The following CACNA1B variants were observed in gnomAD, a reference collection of about 807,000 sequenced individuals.
The protein encoded by CACNA1B is calcium voltage-gated channel subunit alpha1 B.
CACNA1B carries 70 observed loss-of-function variants against 247.2 expected under a neutral mutation model. The ratio of observed to expected loss-of-function variants is 0.28; its 90% CI spans 0.23 to 0.35. CACNA1B has a LOEUF of 0.35. Among genes scored for constraint, CACNA1B ranks in the 10% least tolerant of loss-of-function variants. The probability of loss-of-function intolerance (pLI) is 1.00; values close to 1 mark genes in which losing one functional copy is unlikely to be tolerated. For synonymous variants in CACNA1B, 1,231 were observed against 1,294.4 expected (o/e 0.95, Z 1.05); for missense variants, 2,367 against 3,197.4 (o/e 0.74, Z 6.26).
intron 20 of CACNA1B, among the ~76,000 whole-genome samples, chr9:138,038,674 G>C (rs948577565): frequency 2.6e-5 from 4 of 152,308 alleles, no homozygotes; most frequent in African/African-American, 9.6e-5. Flanking sequence ...ACCTTTGCAG[G>C]ACCTGGTCTG....
chr9:137,998,389 T>A (rs1451156513), intron 15 of CACNA1B, among the ~76,000 whole-genome samples: 2 of 152,090 alleles, frequency 1.3e-5, no homozygotes, highest in Non-Finnish European at 2.9e-5. Context: ...GGTGGGCAGA[T>A]CACTTGAGGT....
In CACNA1B at chr9:138,058,516, C is replaced by G; in HGVS notation, c.4309-53C>G. 2 of 1,522,642 alleles carry G rather than the reference C, an allele frequency of 1.3e-6. No homozygotes were observed. Among genetic ancestry groups the G allele is most frequent in the Non-Finnish European group, 1.8e-6 (2 of 1,120,424 alleles). 94.3% of individuals were successfully genotyped at this position (1,522,642 alleles called of 1,614,324 possible). On this transcript the variant is annotated intron_variant, in intron 28 of 46. Coordinates refer to ENST00000371372, the MANE Select transcript of CACNA1B (RefSeq NM_000718.4). This position sits in a 1 kb window ranked among gnomAD's most constrained non-coding sequence, Gnocchi z 4.7. ...AGACAGGGCTGGGTGCAGTAGATGC[C>G]GTCGGGTAGGTTTTCTGCTTCTGAG...
At chr9:137,976,655 G>A (rs555832967) in intron 12 of CACNA1B, among the ~76,000 whole-genome samples, 10 of 149,494 alleles carry the variant, frequency 6.7e-5, no homozygotes, top group African/African-American at 2.5e-4. Flanking sequence ...TACCATGACA[G>A]CTGAGCACAG....
intron 21 of CACNA1B, among the ~76,000 whole-genome samples, chr9:138,045,391 G>T (rs1334139806): frequency 6.6e-6 from 1 of 152,184 alleles, no homozygotes; most frequent in Non-Finnish European, 1.5e-5. Flanking sequence ...GGCAGAGAGA[G>T]TGGTGGTTTG....
At chr9:138,114,526 G>C in intron 41 of CACNA1B, 36 bp downstream of exon 41, 1 of 1,080,712 alleles carries the variant, frequency 9.3e-7, no homozygotes, top group Non-Finnish European at 1.4e-6. Flanking sequence ...GGAAAACTGT[G>C]ATGCCTCCGA....
intron 26 of CACNA1B, among the ~76,000 whole-genome samples, chr9:138,055,108 A>G (rs545649394): frequency 2.0e-5 from 3 of 151,692 alleles, no homozygotes; most frequent in East Asian, 3.9e-4. Flanking sequence ...CTTTTAAAAA[A>G]CAAAGTTCTT....
At chr9:138,023,898 C>A in intron 19 of CACNA1B, 87 bp downstream of exon 19, 3 of 685,662 alleles carry the variant, frequency 4.4e-6, no homozygotes, top group South Asian at 1.7e-5. Flanking sequence ...ATGGGGTCCA[C>A]GGCGGAGGCT....
chr9:138,117,848 A>G, intron 42 of CACNA1B, 98 bp from the exon 43 acceptor site: 3 of 918,344 alleles, frequency 3.3e-6, no homozygotes, highest in Non-Finnish European at 3.2e-6. Flanking sequence ...CCTCTGCTGC[A>G]TGTGTTGGAG....
At chr9:138,104,707 A>T (rs1961365763) in intron 38 of CACNA1B, among the ~76,000 whole-genome samples, 1 of 152,124 alleles carries the variant, frequency 6.6e-6, no homozygotes, top group African/African-American at 2.4e-5. Flanking sequence ...CACAGGTTGC[A>T]GGCTTGGGCA....
intron 36 of CACNA1B, among the ~76,000 whole-genome samples, chr9:138,087,937 G>T (rs928029077): frequency 6.6e-6 from 1 of 151,840 alleles, no homozygotes; most frequent in African/African-American, 2.4e-5. Context: ...TCAAATAAAT[G>T]ACTTAATGAT....
Position 137,971,710 on chromosome 9 carries a change from C to T in CACNA1B, c.1543+118C>T, listed in dbSNP as rs1476506952. 1 of 810,440 alleles carries T rather than the reference C, an allele frequency of 1.2e-6. No homozygotes were observed. 50.2% of individuals were successfully genotyped at this position (810,440 alleles called of 1,614,324 possible). On this transcript the variant is annotated intron_variant, in intron 11 of 46. Coordinates refer to ENST00000371372, the MANE Select transcript of CACNA1B (RefSeq NM_000718.4). This position sits in a 1 kb window ranked among gnomAD's most constrained non-coding sequence, Gnocchi z 4.4. ...GGACGGGACCCACCCCCATGTTGCT[C>T]AAAGTATCCCACAGCCCTAGTCAGC... is the stretch of plus-strand genomic sequence containing the variant.
chr9:137,943,568 A>T (rs1564200301), intron 6 of CACNA1B, among the ~76,000 whole-genome samples: 1 of 152,182 alleles, frequency 6.6e-6, no homozygotes. Flanking sequence ...TGTAACCTGC[A>T]CGGACCTTGG....
intron 10 of CACNA1B, among the ~76,000 whole-genome samples, chr9:137,961,457 G>A (rs972116616): frequency 2.0e-5 from 3 of 152,172 alleles, no homozygotes; most frequent in Non-Finnish European, 4.4e-5. Context: ...TTTTCAAGGG[G>A]AATGCTTCCA....
At chr9:137,985,622 G>A (rs1958349272) in intron 13 of CACNA1B, among the ~76,000 whole-genome samples, 1 of 152,244 alleles carries the variant, frequency 6.6e-6, no homozygotes, top group South Asian at 2.1e-4. Flanking sequence ...GACATGGTTT[G>A]GGAGCCCAGG....
chr9:138,118,554 G>T, intron 43 of CACNA1B, 98 bp from the exon 44 acceptor site: 1 of 636,652 alleles, frequency 1.6e-6, no homozygotes, highest in Non-Finnish European at 2.8e-6. Context: ...AGATGGATTT[G>T]GGTGAGACCC....
At chr9:137,922,495 G>A (rs749722568) in intron 6 of CACNA1B, among the ~76,000 whole-genome samples, 2 of 152,298 alleles carry the variant, frequency 1.3e-5, no homozygotes, top group Admixed American at 6.5e-5. Context: ...GGACTGTTGC[G>A]TTTGATAAGA....
At chr9:138,006,142 T>C (rs1279138374) in intron 15 of CACNA1B, among the ~76,000 whole-genome samples, 1 of 151,214 alleles carries the variant, frequency 6.6e-6, no homozygotes, top group Admixed American at 6.6e-5. Flanking sequence ...CTGGTTGGAG[T>C]TGGTCACGGG....
rs561597323 is a variant in CACNA1B, at chr9:137,973,529, C to A, written c.1543+1937C>A. Among the ~76,000 whole-genome samples, 1 of 152,298 alleles carries A rather than the reference C, an allele frequency of 6.6e-6. No homozygotes were observed. The highest frequency in any genetic ancestry group is 1.9e-4 in the East Asian group (1 of 5,180). On this transcript the variant is annotated intron_variant, in intron 11 of 46. Transcript: ENST00000371372. This position sits in a 1 kb window ranked among gnomAD's most constrained non-coding sequence, Gnocchi z 4.1. Reference sequence around the variant, plus strand: ...CTGTCAGGACTTGCCATCCTGTGAGCCCCTGGGGGGCCTTATGCAGCTCAC... The same window carrying A: ...CTGTCAGGACTTGCCATCCTGTGAGACCCTGGGGGGCCTTATGCAGCTCAC...
chr9:138,111,231 C>T (rs1961618720), intron 39 of CACNA1B, among the ~76,000 whole-genome samples: 1 of 152,166 alleles, frequency 6.6e-6, no homozygotes, highest in Non-Finnish European at 1.5e-5. Flanking sequence ...TCAAAATTGC[C>T]CCAAACTGTA....
Sources: allele counts gnomAD v4.1 joint callset (sites outside exome capture counted in the v4.1 genomes callset), GRCh38; gene constraint gnomAD v4.1.1; non-coding constraint Gnocchi (gnomAD v3.1); transcripts MANE v1.5; gene names NCBI Gene and HGNC (gene_info 2026-07-23, HGNC 2026-07-21).